RRAGB: variants seen among roughly 807,000 people sequenced by gnomAD.
RRAGB encodes ras-related GTP-binding protein B.
Under a neutral mutation model 29.3 loss-of-function variants are expected in RRAGB, and 6 were observed. The ratio of observed to expected loss-of-function variants is 0.21; its 90% CI spans 0.11 to 0.40. RRAGB has a LOEUF of 0.40. Among genes scored for constraint, RRAGB ranks in the 10% least tolerant of loss-of-function variants. The pLI is 1.00. For missense variants in RRAGB, 184 were observed against 272.9 expected, an observed-to-expected ratio of 0.67 and a Z score of 2.29; for synonymous variants, 101 against 92.5, an observed-to-expected ratio of 1.09 and a Z score of -0.53.
chrX:55,731,970 G>A (rs1602027685), intron 5 of RRAGB, among the ~76,000 whole-genome samples: 1 of 112,061 alleles, frequency 8.9e-6, no homozygotes, highest in Non-Finnish European at 1.9e-5. Flanking sequence ...TAGGAAACTG[G>A]TATGCACCAG....
At chrX:55,749,951 T>G (rs2034465488) in intron 5 of RRAGB, among the ~76,000 whole-genome samples, 1 of 108,983 alleles carries the variant, frequency 9.2e-6, no homozygotes, top group Admixed American at 9.8e-5. Flanking sequence ...GTTCACTTGT[T>G]TCTTTGTTCA....
chrX:55,742,188 A>G (rs1414989266), intron 5 of RRAGB, among the ~76,000 whole-genome samples: 1 of 112,742 alleles, frequency 8.9e-6, no homozygotes, highest in Non-Finnish European at 1.9e-5. Context: ...ACATATATAC[A>G]TATTCATAAC....
intron 5 of RRAGB, among the ~76,000 whole-genome samples, chrX:55,742,155 A>T (rs1270203345): frequency 1.8e-5 from 2 of 112,871 alleles, no homozygotes; most frequent in African/African-American, 6.4e-5. Flanking sequence ...TTAAAAGGGA[A>T]AAAACAGACA....
intron 5 of RRAGB, among the ~76,000 whole-genome samples, chrX:55,740,355 T>A (rs1367622535): frequency 5.4e-5 from 6 of 110,626 alleles, no homozygotes; most frequent in African/African-American, 2.0e-4. Flanking sequence ...TTTTGAACCA[T>A]GAATTTTAAA....
chrX:55,731,725 C>G (rs1201500739), intron 5 of RRAGB, 139 bp downstream of exon 5: 2 of 429,502 alleles, frequency 4.7e-6, no homozygotes, highest in Non-Finnish European at 7.9e-6. Flanking sequence ...TTGTCATTTA[C>G]TTTAACTAAA....
Position 55,729,346 on chromosome X carries a change from G to T in RRAGB, c.279G>T (p.Leu93=), listed in dbSNP as rs763263878. 1.0e-5 allele frequency: 12 copies of T among 1,190,316 alleles called. No individual in the cohort carries two copies. In the African/African-American group the frequency reaches 1.2e-4, roughly 12 times the overall value. The change falls in exon 4 of 10, where the codon CTG becomes CTT. Residue 93 remains leucine (L), a synonymous_variant. Transcript: ENST00000374941. ...VRFLGNLVLN[L]WDCGGQDTFM... ...TTCTGGGAAACCTGGTATTGAACCT[G>T]TGGGATTGTGGTGGGTAAGTACCAT...
intron 5 of RRAGB, among the ~76,000 whole-genome samples, chrX:55,748,227 C>T (rs1355114002): frequency 8.9e-6 from 1 of 112,268 alleles, no homozygotes; most frequent in African/African-American, 3.2e-5. Flanking sequence ...ACAACCTCCA[C>T]CTCCTAGCTG....
chrX:55,725,346 G>C (rs972656470), intron 3 of RRAGB, among the ~76,000 whole-genome samples: 1 of 111,262 alleles, frequency 9.0e-6, no homozygotes, highest in Non-Finnish European at 1.9e-5. Flanking sequence ...ATATTATGTT[G>C]GTCTTAAGGC....
At chrX:55,731,740 CT>C (rs768013898) in intron 5 of RRAGB, 154 bp downstream of exon 5, 4 of 403,154 alleles carry the variant, frequency 9.9e-6, no homozygotes, top group Admixed American at 9.6e-5. Context: ...ACTAAACACT[CT>C]TTTAAACACA....
intron 5 of RRAGB, among the ~76,000 whole-genome samples, chrX:55,734,393 A>G (rs2033801189): frequency 1.9e-5 from 2 of 107,467 alleles, no homozygotes. Flanking sequence ...TTTCCTTTAG[A>G]TTTTGTACTT....
intron 5 of RRAGB, among the ~76,000 whole-genome samples, chrX:55,748,300 A>C (rs1056845411): frequency 8.9e-6 from 1 of 112,240 alleles, no homozygotes; most frequent in Non-Finnish European, 1.9e-5. Context: ...CCCGTCTGGG[A>C]AGTGAGGAGC....
chrX:55,720,050 A>AAT (rs2033209666), intron 2 of RRAGB, among the ~76,000 whole-genome samples: 2 of 112,531 alleles, frequency 1.8e-5, no homozygotes, highest in African/African-American at 6.5e-5. Context: ...TAAGTCTTTC[A>AAT]TAGGCAATTG....
At chrX:55,742,843 T>C (rs192142016) in intron 5 of RRAGB, among the ~76,000 whole-genome samples, 54 of 111,634 alleles carry the variant, frequency 4.8e-4, no homozygotes, top group Middle Eastern at 4.6e-3. Context: ...TACAGCCTCC[T>C]AGAGAACCTT....
chrX:55,740,351 ACC>A (rs2034018443), intron 5 of RRAGB, among the ~76,000 whole-genome samples: 4 of 111,620 alleles, frequency 3.6e-5, no homozygotes, highest in African/African-American at 1.3e-4. Context: ...GTGATTTTGA[ACC>A]ATGAATTTTA....
At chrX:55,727,322 A>G (rs759706068) in intron 3 of RRAGB, 49 of 1,142,101 alleles carry the variant, frequency 4.3e-5, no homozygotes, top group Admixed American at 6.6e-5. Flanking sequence ...GACCGTATAC[A>G]TAGTCTTCAA....
chrX:55,722,649 A>G (rs1249731263), intron 3 of RRAGB, among the ~76,000 whole-genome samples: 1 of 112,207 alleles, frequency 8.9e-6, no homozygotes, highest in African/African-American at 3.2e-5. Flanking sequence ...AAAATATGCT[A>G]AGATTTTTTA....
intron 3 of RRAGB, among the ~76,000 whole-genome samples, chrX:55,724,760 C>T (rs112370697): frequency 2.7e-4 from 30 of 111,742 alleles, no homozygotes; most frequent in Non-Finnish European, 4.5e-4. Context: ...GTTTTATTTA[C>T]TTTAGTTCTC....
At chrX:55,752,094 CTTT>C in intron 6 of RRAGB, 2 of 213,177 alleles carry the variant, frequency 9.4e-6, no homozygotes, top group Non-Finnish European at 1.3e-5. Flanking sequence ...ATAGCCATTG[CTTT>C]TTTTTTTTTT....
chrX:55,719,963 C>T (rs1001360431), intron 2 of RRAGB, among the ~76,000 whole-genome samples: 1 of 112,017 alleles, frequency 8.9e-6, no homozygotes, highest in African/African-American at 3.2e-5. Context: ...TTAACTGTAT[C>T]GTAAGATTGT....
Sources: gnomAD v4.1 joint callset for allele counts (sites outside exome capture counted in the v4.1 genomes callset) on GRCh38, gnomAD v4.1.1 for gene constraint, MANE v1.5 for transcripts, NCBI Gene and HGNC (gene_info 2026-07-23, HGNC 2026-07-21) for gene names.